The following CD200R1 variants were observed in gnomAD, a reference collection of about 807,000 sequenced individuals.
CD200R1 encodes the protein cell surface glycoprotein CD200 receptor 1.
In CD200R1, 30 loss-of-function variants were observed where a neutral mutation model predicts 38.1. The observed-to-expected ratio is 0.79, with a 90% CI of 0.59 to 1.07. The LOEUF (loss-of-function observed/expected upper bound fraction) is 1.07, where lower values mean the gene tolerates loss of function less well. Ranked by LOEUF, CD200R1 falls within the 50% of genes least tolerant of loss-of-function variation. The pLI is 0.00. For missense variants in CD200R1, 372 were observed against 415.4 expected (o/e 0.90, Z 0.91); for synonymous variants, 128 against 152.1 (o/e 0.84, Z 1.16).
At chr3:112,939,007 A>G (rs557967121) in intron 2 of CD200R1, among the ~76,000 whole-genome samples, 3 of 152,080 alleles carry the variant, frequency 2.0e-5, no homozygotes, top group Admixed American at 6.6e-5. Flanking sequence ...AACAAAATGA[A>G]GAACAAAAAC....
chr3:112,959,573 A>G (rs1487267670), intron 1 of CD200R1, among the ~76,000 whole-genome samples: 3 of 152,158 alleles, frequency 2.0e-5, no homozygotes, highest in Non-Finnish European at 4.4e-5. Context: ...AATTTACTAC[A>G]GTACTTCAAA....
chr3:112,960,131 T>A (rs572182445), intron 1 of CD200R1, among the ~76,000 whole-genome samples: 1 of 152,032 alleles, frequency 6.6e-6, no homozygotes, highest in Non-Finnish European at 1.5e-5. Flanking sequence ...GATTCAGAAA[T>A]TCAAATTAGG....
At chr3:112,957,980 C>A in intron 1 of CD200R1, among the ~76,000 whole-genome samples, 1 of 151,804 alleles carries the variant, frequency 6.6e-6, no homozygotes, top group African/African-American at 2.4e-5. Context: ...TTAAAAAGAC[C>A]AATAATAAAT....
At chr3:112,924,968 G>A in intron 6 of CD200R1, 117 bp downstream of exon 6, 2 of 683,980 alleles carry the variant, frequency 2.9e-6, no homozygotes, top group South Asian at 1.7e-5. Flanking sequence ...TTCAAGATTT[G>A]ATTATGGGAG....
chr3:112,974,797 C>T lies in CD200R1; in HGVS notation c.61G>A (p.Val21Met). Residue 21 changes from valine (V) to methionine (M), a missense_variant, in exon 1 of 8, where the codon GTG becomes ATG. Coordinates refer to ENST00000308611, the MANE Select transcript of CD200R1 (RefSeq NM_138806.4). ...AAAGAGAATTCAAACTTACCGGCCACTAAGAAGATAGTCAAAATCAACAGT... is the reference window on the plus strand; with the variant it reads ...AAAGAGAATTCAAACTTACCGGCCATTAAGAAGATAGTCAAAATCAACAGT... ...GLLLILTIFL[V>M]AEAEGAAQPN... 1 of 1,608,682 alleles carries T rather than the reference C, an allele frequency of 6.2e-7. No individual in the cohort carries two copies. Among genetic ancestry groups the T allele is most frequent in the Non-Finnish European group, 8.5e-7 (1 of 1,175,210 alleles).
intron 5 of CD200R1, among the ~76,000 whole-genome samples, chr3:112,928,391 G>C (rs1252110786): frequency 6.6e-6 from 1 of 152,060 alleles, no homozygotes; most frequent in African/African-American, 2.4e-5. Flanking sequence ...GTTATTATAA[G>C]ACATTTAAGA....
rs1247335526 is a variant in CD200R1 at position 112,922,016 on chromosome 3, T to G, written c.*1661A>C. 1 of 152,046 alleles carries G rather than the reference T, an allele frequency of 6.6e-6. No individual in the cohort carries two copies. Among genetic ancestry groups the G allele is most frequent in the Admixed American group, 6.6e-5 (1 of 15,228 alleles). The allele number at this position is 152,046 out of a possible 1,614,324, so 9.4% of individuals were successfully genotyped here. On this transcript the variant is annotated 3_prime_UTR_variant, in exon 8 of 8. Coordinates refer to ENST00000308611, the MANE Select transcript of CD200R1 (RefSeq NM_138806.4). ...CTATTGTGAACATTGCTTGGTAATA[T>G]TTATATGCAGAAACCTAATGGACAC... is the stretch of plus-strand genomic sequence containing the variant.
Position 112,929,083 on chromosome 3 carries a change from G to GA in CD200R1, c.521-20dup, listed in dbSNP as rs760524082. 1 of 1,611,138 alleles carries GA rather than the reference G, an allele frequency of 6.2e-7. No homozygotes were observed. Among genetic ancestry groups the GA allele is most frequent in the Non-Finnish European group, 8.5e-7 (1 of 1,178,760 alleles). On this transcript the variant is annotated intron_variant, in intron 4 of 7. Coordinates refer to ENST00000308611, the MANE Select transcript of CD200R1 (RefSeq NM_138806.4). ...GGTGTAACTGCAGAGAGGAAAGAGG[G>GA]AAAAAAATGCTTCGGTTTTCACATA... is the stretch of plus-strand genomic sequence containing the variant.
Position 112,923,491 on chromosome 3 carries a change from G to C in CD200R1, c.*186C>G, listed in dbSNP as rs1343493416. 4 of 400,912 alleles carry C rather than the reference G, an allele frequency of 1.0e-5. No homozygotes were observed. The highest frequency in any genetic ancestry group is 1.8e-5 in the Non-Finnish European group (4 of 225,268). 24.8% of individuals were successfully genotyped at this position (400,912 alleles called of 1,614,324 possible). A position where few individuals can be genotyped will look rare whatever the true frequency, so the allele number is the denominator to read the frequency against. ...CATCAGTTCTTCAGAGAACTAGCTG[G>C]TAGCAGCTAAGAATCAAAAATTCCA... On this transcript the variant is annotated 3_prime_UTR_variant, in exon 8 of 8. Transcript: ENST00000308611.
intron 2 of CD200R1, among the ~76,000 whole-genome samples, chr3:112,933,722 G>A (rs1363704912): frequency 6.6e-6 from 1 of 151,932 alleles, no homozygotes; most frequent in Admixed American, 6.5e-5. Context: ...AGAGAATACA[G>A]ATAAACAATT....
chr3:112,924,645 G>A (rs2107299112), intron 6 of CD200R1, 110 bp from the exon 7 acceptor site: 1 of 634,500 alleles, frequency 1.6e-6, no homozygotes, highest in South Asian at 6.1e-5. Context: ...TTTGATAGAA[G>A]CCATAATAAA....
At position 112,922,235 on chromosome 3, in the gene CD200R1, A is replaced by C. The variant is rs1359889912; in HGVS notation, c.*1442T>G. On this transcript the variant is annotated 3_prime_UTR_variant, in exon 8 of 8. Coordinates refer to ENST00000308611, the MANE Select transcript of CD200R1 (RefSeq NM_138806.4). ...AAAATCTCAGATGGTATGATTGAAG[A>C]ATGAATATATTTTGTTTCAATTTCT... The C allele has an allele frequency of 1.3e-5, 2 of 152,046 alleles. No homozygotes were observed. The highest frequency in any genetic ancestry group is 2.9e-5 in the Non-Finnish European group (2 of 67,948). The allele number at this position is 152,046 out of a possible 1,614,324, so 9.4% of individuals were successfully genotyped here.
chr3:112,925,423 T>G (rs1208404882), intron 5 of CD200R1, among the ~76,000 whole-genome samples: 1 of 152,102 alleles, frequency 6.6e-6, no homozygotes, highest in South Asian at 2.1e-4. Context: ...AATAAATTAT[T>G]GATTATCTGG....
At chr3:112,927,958 C>T (rs1266806953) in intron 5 of CD200R1, among the ~76,000 whole-genome samples, 1 of 152,044 alleles carries the variant, frequency 6.6e-6, no homozygotes, top group African/African-American at 2.4e-5. Context: ...CTTAACAGTA[C>T]TTAAATATTC....
At chr3:112,940,597 CAAG>C (rs1264099868) in intron 2 of CD200R1, among the ~76,000 whole-genome samples, 2 of 151,682 alleles carry the variant, frequency 1.3e-5, no homozygotes, top group Non-Finnish European at 3.0e-5. Flanking sequence ...ATTAAAATCA[CAAG>C]GAGATATCAT....
intron 2 of CD200R1, among the ~76,000 whole-genome samples, chr3:112,938,123 A>C (rs1257092413): frequency 6.6e-6 from 1 of 152,180 alleles, no homozygotes; most frequent in Non-Finnish European, 1.5e-5. Flanking sequence ...ATATAGAATC[A>C]TGTTATCTGC....
At chr3:112,964,079 G>A (rs1933091773) in intron 1 of CD200R1, among the ~76,000 whole-genome samples, 1 of 152,182 alleles carries the variant, frequency 6.6e-6, no homozygotes, top group Admixed American at 6.5e-5. Context: ...TCAAGAATGG[G>A]GGTTTGGGAA....
At chr3:112,943,114 A>G (rs1940765180) in intron 2 of CD200R1, among the ~76,000 whole-genome samples, 1 of 151,718 alleles carries the variant, frequency 6.6e-6, no homozygotes, top group African/African-American at 2.4e-5. Context: ...ATTCAACAAT[A>G]CCATCAATTA....
At chr3:112,937,287 A>C (rs1432636269) in intron 2 of CD200R1, among the ~76,000 whole-genome samples, 2 of 152,076 alleles carry the variant, frequency 1.3e-5, no homozygotes, top group Non-Finnish European at 2.9e-5. Flanking sequence ...TGATTAAATT[A>C]CCTCCCAGCA....
Sources: allele counts gnomAD v4.1 joint callset (sites outside exome capture counted in the v4.1 genomes callset), GRCh38; gene constraint gnomAD v4.1.1; transcripts MANE v1.5; gene names NCBI Gene and HGNC (gene_info 2026-07-23, HGNC 2026-07-21).